The following CECR2 variants were observed in gnomAD, a reference collection of about 807,000 sequenced individuals.
CECR2 encodes the protein CECR2 histone acetyl-lysine reader, also known as chromatin remodeling regulator CECR2.
In CECR2, 30 loss-of-function variants were observed where a neutral mutation model predicts 154.5. The ratio of observed to expected loss-of-function variants is 0.19; its 90% CI spans 0.15 to 0.26. CECR2 has a LOEUF of 0.26. Ranked by LOEUF, CECR2 falls within the 10% of genes least tolerant of loss-of-function variation. The pLI, the probability that CECR2 is intolerant of heterozygous loss-of-function variation, is 1.00. For missense variants in CECR2, 1,743 were observed against 1,829.3 expected, an observed-to-expected ratio of 0.95 and a Z score of 0.86; for synonymous variants, 725 against 683.7, an observed-to-expected ratio of 1.06 and a Z score of -0.94.
chr22:17,520,925 G>A (rs1194480056), intron 8 of CECR2, among the ~76,000 whole-genome samples: 1 of 152,126 alleles, frequency 6.6e-6, no homozygotes, highest in African/African-American at 2.4e-5. Flanking sequence ...CTTTATAGTA[G>A]CATGATTTAC....
chr22:17,420,087 TACGAA>T (rs2054222588), intron 1 of CECR2, among the ~76,000 whole-genome samples: 1 of 152,206 alleles, frequency 6.6e-6, no homozygotes, highest in African/African-American at 2.4e-5. Flanking sequence ...TTTCAATACT[TACGAA>T]AGGAAGATTT....
rs778066537 is a variant in CECR2, at chr22:17,504,882, C to G, written c.736C>G (p.Leu246Val). Residue 246 changes from leucine (L) to valine (V), a missense_variant, in exon 7 of 19, where the codon CTG (leucine) becomes GTG (valine). Physicochemically the swap from Leu to Val is conservative, Grantham distance 32. Transcript: ENST00000262608. ...QGPGQGTWWL[L>V]CQTEEEWRQV... Reference sequence around the variant, plus strand: ...GCCAGGCCAAGGTACTTGGTGGCTCCTGTGCCAGACAGAAGAGGAATGGAG... The same window carrying G: ...GCCAGGCCAAGGTACTTGGTGGCTCGTGTGCCAGACAGAAGAGGAATGGAG... The G allele has an allele frequency of 9.1e-5, 147 of 1,613,766 alleles. No individual in the cohort carries two copies. Among genetic ancestry groups the G allele is most frequent in the Non-Finnish European group, 1.2e-4 (143 of 1,179,846 alleles).
At chr22:17,538,128 G>A (rs1057426201) in intron 10 of CECR2, among the ~76,000 whole-genome samples, 4 of 152,216 alleles carry the variant, frequency 2.6e-5, no homozygotes, top group African/African-American at 7.2e-5. Context: ...TAAGGTGACA[G>A]GATTGCTGGA....
At chr22:17,401,245 C>T (rs1409999892) in intron 1 of CECR2, among the ~76,000 whole-genome samples, 1 of 152,086 alleles carries the variant, frequency 6.6e-6, no homozygotes, top group African/African-American at 2.4e-5. Context: ...ATTCATAATG[C>T]TTGATATCAG....
At chr22:17,536,289 C>G (rs1354308459) in intron 9 of CECR2, among the ~76,000 whole-genome samples, 4 of 152,162 alleles carry the variant, frequency 2.6e-5, no homozygotes, top group African/African-American at 9.7e-5. Context: ...GAGGCTCTTG[C>G]TGGCTTCTCC....
intron 12 of CECR2, 55 bp downstream of exon 12, chr22:17,538,786 TTTG>T (rs755135662): frequency 1.8e-5 from 27 of 1,470,814 alleles, no homozygotes; most frequent in Middle Eastern, 1.7e-4. Flanking sequence ...TTTCTTGGGT[TTTG>T]TTGTTTGTTT....
At chr22:17,545,300 G>A (rs545364904) in intron 16 of CECR2, among the ~76,000 whole-genome samples, 5 of 149,574 alleles carry the variant, frequency 3.3e-5, no homozygotes, top group East Asian at 2.0e-4. Context: ...ACTTGAACCC[G>A]GGAGGCGGAG....
chr22:17,543,637 G>T (rs2056566430), intron 16 of CECR2, among the ~76,000 whole-genome samples: 1 of 151,004 alleles, frequency 6.6e-6, no homozygotes, highest in Non-Finnish European at 1.5e-5. Flanking sequence ...TCGGTTGACT[G>T]CAACTTCTGC....
Position 17,539,026 on chromosome 22 carries a change from C to T in CECR2, c.1402C>T (p.Leu468=). 1 of 1,613,636 alleles carries T rather than the reference C, an allele frequency of 6.2e-7. No individual in the cohort carries two copies. Residue 468 remains leucine (L), a synonymous_variant, in exon 13 of 19, where the codon CTG becomes TTG. Transcript: ENST00000262608. ...PMDISSMEKK[L]NGGLYCTKEE... is the part of the protein sequence containing the mutation. ...GGATATTTCCAGCATGGAGAAGAAA[C>T]TGAATGGAGGTTTATACTGTACCAA...
At position 17,537,029 on chromosome 22, in the gene CECR2, C is replaced by T. The variant is rs2147008877; in HGVS notation, c.1109-74C>T. ...TTGGTGGCCTGGTTCTTCCTTCTCT[C>T]ACAGTGATGAAGGAACACGCCATGT... is the stretch of plus-strand genomic sequence containing the variant. On this transcript the variant is annotated intron_variant, in intron 9 of 18. Coordinates refer to ENST00000262608, the MANE Select transcript of CECR2 (RefSeq NM_001290047.2). 1.9e-6 allele frequency: 3 copies of T among 1,542,232 alleles called. No homozygotes were observed. The East Asian group carries it at 6.9e-5, about 35-fold the overall frequency.
intron 1 of CECR2, among the ~76,000 whole-genome samples, chr22:17,401,470 C>T (rs899509055): frequency 2.6e-5 from 4 of 151,960 alleles, no homozygotes; most frequent in Non-Finnish European, 4.4e-5. Flanking sequence ...TCTTTGCCCC[C>T]GTCTCACCCC....
At chr22:17,539,974 G>A (rs535501359) in intron 13 of CECR2, among the ~76,000 whole-genome samples, 9 of 152,204 alleles carry the variant, frequency 5.9e-5, no homozygotes, top group East Asian at 1.9e-4. Flanking sequence ...TGGGACTATC[G>A]GCATGTGCGA....
chr22:17,396,656 G>A (rs570284820), intron 1 of CECR2, among the ~76,000 whole-genome samples: 1 of 152,328 alleles, frequency 6.6e-6, no homozygotes, highest in South Asian at 2.1e-4. Context: ...TGTGGTAATG[G>A]CAGTTAAAGT....
At chr22:17,391,117 A>G (rs535696499) in intron 1 of CECR2, among the ~76,000 whole-genome samples, 4 of 152,316 alleles carry the variant, frequency 2.6e-5, no homozygotes, top group African/African-American at 7.2e-5. Flanking sequence ...TGTACTTCCT[A>G]TGAATAAGGA....
intron 14 of CECR2, among the ~76,000 whole-genome samples, chr22:17,541,627 T>G (rs2056523498): frequency 6.6e-6 from 1 of 152,140 alleles, no homozygotes; most frequent in Non-Finnish European, 1.5e-5. Flanking sequence ...ACTGATTTAA[T>G]CTTGTATCTC....
At position 17,542,875 on chromosome 22, in the gene CECR2, G is replaced by A. The variant is rs371679902; in HGVS notation, c.2732G>A (p.Arg911His). 2.6e-5 allele frequency: 42 copies of A among 1,613,650 alleles called. No homozygotes were observed. The highest frequency in any genetic ancestry group is 3.3e-4 in the Middle Eastern group (2 of 6,082). The change falls in exon 16 of 19, where the codon CGT (arginine) becomes CAT (histidine). Residue 911 changes from arginine (R) to histidine (H), a missense_variant. This residue lies in a region of CECR2 where 1,250 missense variants were observed against 1,192.1 expected (regional missense o/e 1.05). Transcript: ENST00000262608. ...CACCCCCACCAGCCTGCACACCCCC[G>A]TTTACCTGGCCCTTTTCCGCAGGTA... ...PYHPHQPAHP[R>H]LPGPFPQVAH...
At chr22:17,475,064 G>A (rs1043157843) in intron 1 of CECR2, among the ~76,000 whole-genome samples, 5 of 152,226 alleles carry the variant, frequency 3.3e-5, no homozygotes, top group Non-Finnish European at 7.3e-5. Context: ...GAACAGAACA[G>A]GACGTGTAGA....
chr22:17,556,919 ACTT>A lies in CECR2; in HGVS notation c.*4083_*4085del, dbSNP rs1379903644. 2 of 152,212 alleles carry A rather than the reference ACTT, an allele frequency of 1.3e-5. No homozygotes were observed. Among genetic ancestry groups the A allele is most frequent in the Admixed American group, 6.5e-5 (1 of 15,270 alleles). The allele number at this position is 152,212 out of a possible 1,614,324, so 9.4% of individuals were successfully genotyped here. ...TCCGGACACTAGCTTCAGTAAGGAT[ACTT>A]CTTATTTCGGTTGAGAATGCAGAGG... On this transcript the variant is annotated 3_prime_UTR_variant, in exon 19 of 19. Transcript: ENST00000262608.
intron 7 of CECR2, among the ~76,000 whole-genome samples, chr22:17,509,761 T>G (rs979763035): frequency 6.6e-6 from 1 of 152,178 alleles, no homozygotes; most frequent in East Asian, 1.9e-4. Flanking sequence ...TCCCATTGTT[T>G]ATGGTAGTGG....
Sources: gnomAD v4.1 joint callset for allele counts (sites outside exome capture counted in the v4.1 genomes callset) on GRCh38, gnomAD v4.1.1 for gene constraint, gnomAD v4.1.1 regional missense constraint, MANE v1.5 for transcripts, NCBI Gene and HGNC (gene_info 2026-07-23, HGNC 2026-07-21) for gene names.